PIP4K2C: variants seen among roughly 807,000 people sequenced by gnomAD.
PIP4K2C encodes the protein phosphatidylinositol-5-phosphate 4-kinase type 2 gamma.
A neutral mutation model predicts 45.0 loss-of-function variants in PIP4K2C; 21 were observed. The ratio of observed to expected loss-of-function variants is 0.47; its 90% confidence interval spans 0.33 to 0.67. The LOEUF (loss-of-function observed/expected upper bound fraction) is 0.67, where lower values mean the gene tolerates loss of function less well. Among genes scored for constraint, PIP4K2C ranks in the 30% least tolerant of loss-of-function variants. PIP4K2C has a pLI of 0.02. For synonymous variants in PIP4K2C, 201 were observed against 204.8 expected, an observed-to-expected ratio of 0.98 and a Z score of 0.16; for missense variants, 456 against 542.8, an observed-to-expected ratio of 0.84 and a Z score of 1.59.
intron 1 of PIP4K2C, among the ~76,000 whole-genome samples, chr12:57,593,623 G>A (rs1440096970): frequency 1.4e-5 from 2 of 140,882 alleles, no homozygotes; most frequent in Admixed American, 7.1e-5. Flanking sequence ...TTTTTAAAAT[G>A]CCTTTTTTTT....
chr12:57,601,713 C>T lies in PIP4K2C; in HGVS notation c.*107C>T. 1 of 946,134 alleles carries T rather than the reference C, an allele frequency of 1.1e-6. No individual in the cohort carries two copies. The highest frequency in any genetic ancestry group is 1.7e-6 in the Non-Finnish European group (1 of 581,800). The allele number at this position is 946,134 out of a possible 1,614,324, so 58.6% of individuals were successfully genotyped here. On this transcript the variant is annotated 3_prime_UTR_variant, in exon 10 of 10. Transcript: ENST00000354947. ...AGTTCTCTTCTTCCTTTGCTAAATT[C>T]AGGCTGCAGGCTCCTTCCATCCAGA...
In PIP4K2C at chr12:57,601,859, T is replaced by C. The variant is rs1490417500; in HGVS notation, c.*253T>C. The C allele has an allele frequency of 3.9e-6, 2 of 512,290 alleles. No individual in the cohort carries two copies. Among genetic ancestry groups the C allele is most frequent in the Admixed American group, 6.5e-5 (2 of 30,854 alleles). 31.7% of individuals were successfully genotyped at this position (512,290 alleles called of 1,614,324 possible). A position where few individuals can be genotyped will look rare whatever the true frequency, so the allele number is the denominator to read the frequency against. ...GAGAAGTCTGCTTGTAGTATTAGAA[T>C]GTTATTGTTGACTCTCTCCCAAGTG... On this transcript the variant is annotated 3_prime_UTR_variant, in exon 10 of 10. Coordinates refer to ENST00000354947, the MANE Select transcript of PIP4K2C (RefSeq NM_024779.5).
At position 57,600,383 on chromosome 12, in the gene PIP4K2C, T is replaced by C. The variant is rs1299216751; in HGVS notation, c.759T>C (p.Tyr253=). The C allele has an allele frequency of 6.2e-7, 1 of 1,611,494 alleles. No homozygotes were observed. The highest frequency in any genetic ancestry group is 1.7e-5 in the Admixed American group (1 of 60,002). Residue 253 remains tyrosine, a synonymous_variant, in exon 7 of 10, where the codon TAT becomes TAC. Coordinates refer to ENST00000354947, the MANE Select transcript of PIP4K2C (RefSeq NM_024779.5). ...MDFLNKNQKV[Y]IGEEEKKIFL... is the part of the protein sequence containing the mutation. ...TTCTCAACAAGAACCAGAAAGTATA[T>C]ATTGGTGAAGAGGAGAAGAAAATAT...
At position 57,599,186 on chromosome 12, in the gene PIP4K2C, CTG is replaced by C. The variant is rs1295611788; in HGVS notation, c.638_639del (p.Val213AlafsTer5). 6.2e-7 allele frequency: 1 copy of C among 1,614,228 alleles called. No individual in the cohort carries two copies. The highest frequency in any genetic ancestry group is 1.3e-5 in the African/African-American group (1 of 75,050). On this transcript the variant is annotated frameshift_variant, in exon 5 of 10. Coordinates refer to ENST00000354947, the MANE Select transcript of PIP4K2C (RefSeq NM_024779.5). LOFTEE classifies it high-confidence loss of function. ...CGCAATATGTTTAGCCACCGTCTTC[CTG>C]TGCACAGGAAGTATGACCTCAAGGT... is the stretch of plus-strand genomic sequence containing the variant.
At chr12:57,591,493 C>G in intron 1 of PIP4K2C, 30 bp downstream of exon 1, 1 of 1,559,788 alleles carries the variant, frequency 6.4e-7, no homozygotes, top group Non-Finnish European at 8.7e-7. Flanking sequence ...CCCCGCAGCC[C>G]TGTCCAAACC....
chr12:57,595,855 G>A, intron 3 of PIP4K2C, 33 bp from the exon 4 acceptor site: 5 of 1,611,640 alleles, frequency 3.1e-6, no homozygotes, highest in Non-Finnish European at 4.2e-6. Context: ...TAAAGAGGGA[G>A]GAAAAGAGCT....
rs1208283785 is a variant in PIP4K2C, at chr12:57,603,363, TTATG to T, written c.*1761_*1764del. The T allele has an allele frequency of 1.3e-5, 2 of 152,494 alleles. No individual in the cohort carries two copies. Among genetic ancestry groups the T allele is most frequent in the South Asian group, 2.1e-4 (1 of 4,836 alleles). The allele number at this position is 152,494 out of a possible 1,614,324, so 9.4% of individuals were successfully genotyped here. ...TCTTTTTTGTTTTATTAATAAAAATTTATGTATTTGCTCCTGTTACTATAATAAT... is the reference window on the plus strand; with the variant it reads ...TCTTTTTTGTTTTATTAATAAAAATTTATTTGCTCCTGTTACTATAATAAT... On this transcript the variant is annotated 3_prime_UTR_variant, in exon 10 of 10. Coordinates refer to ENST00000354947, the MANE Select transcript of PIP4K2C (RefSeq NM_024779.5).
At chr12:57,597,654 G>C (rs1378686473) in intron 4 of PIP4K2C, among the ~76,000 whole-genome samples, 2 of 152,150 alleles carry the variant, frequency 1.3e-5, no homozygotes, top group Non-Finnish European at 2.9e-5. Flanking sequence ...AAAGAAGGTT[G>C]AGGACAGAAC....
intron 1 of PIP4K2C, 44 bp downstream of exon 1, chr12:57,591,507 C>T (rs1452801397): frequency 1.3e-6 from 2 of 1,524,156 alleles, no homozygotes. Context: ...CCAAACCCCT[C>T]GGCTCCGAGG....
Position 57,594,036 on chromosome 12 carries a change from C to T in PIP4K2C, c.186C>T (p.Leu62=). 3 of 1,613,828 alleles carry T rather than the reference C, an allele frequency of 1.9e-6. No homozygotes were observed. Among genetic ancestry groups the T allele is most frequent in the Non-Finnish European group, 2.5e-6 (3 of 1,179,886 alleles). ...LWGVAHSINE[L]SQVPPPVMLL... is the part of the protein sequence containing the mutation. ...GTTTGGCTTATCAGATCAATGAGCT[C>T]AGCCAGGTGCCTCCCCCGGTGATGC... The change falls in exon 2 of 10, where the codon CTC becomes CTT. Residue 62 remains leucine, a synonymous_variant. Transcript: ENST00000354947.
Position 57,601,786 on chromosome 12 carries a change from T to A in PIP4K2C, c.*180T>A. 1.6e-6 allele frequency: 1 copy of A among 611,164 alleles called. No homozygotes were observed. Among genetic ancestry groups the A allele is most frequent in the Non-Finnish European group, 2.9e-6 (1 of 343,530 alleles). 37.9% of individuals were successfully genotyped at this position (611,164 alleles called of 1,614,324 possible). On this transcript the variant is annotated 3_prime_UTR_variant, in exon 10 of 10. Coordinates refer to ENST00000354947, the MANE Select transcript of PIP4K2C (RefSeq NM_024779.5). ...CTCTTTCTGACCCTCAGAAATACAT[T>A]GTCCTTTTTCCTCTTTGCCCATTTT... is the stretch of plus-strand genomic sequence containing the variant.
Position 57,598,570 on chromosome 12 carries a change from CTT to C in PIP4K2C, c.514-482_514-481del, listed in dbSNP as rs61639429. Among the ~76,000 whole-genome samples the C allele has an allele frequency of 2.7e-3, 372 of 135,976 alleles. 1 individual carries two copies. Among genetic ancestry groups the C allele is most frequent in the South Asian group, 7.4e-3 (33 of 4,430 alleles). 89.2% of individuals were successfully genotyped at this position (135,976 alleles called of 152,430 possible). Reference sequence around the variant, plus strand: ...TCCAAATTGTAGGCCATCATGCAGACTTTTTTTTTTTTTTAGGTATAAAAATC... The same window carrying C: ...TCCAAATTGTAGGCCATCATGCAGACTTTTTTTTTTTTAGGTATAAAAATC... On this transcript the variant is annotated intron_variant, in intron 4 of 9. Coordinates refer to ENST00000354947, the MANE Select transcript of PIP4K2C (RefSeq NM_024779.5).
At chr12:57,596,117 G>A in intron 4 of PIP4K2C, 86 bp downstream of exon 4, 1 of 1,446,050 alleles carries the variant, frequency 6.9e-7, no homozygotes, top group Non-Finnish European at 9.6e-7. Context: ...TGCCAACTGG[G>A]GAGAAAACTC....
chr12:57,596,965 T>C (rs1212464808), intron 4 of PIP4K2C, among the ~76,000 whole-genome samples: 3 of 152,100 alleles, frequency 2.0e-5, no homozygotes, highest in Non-Finnish European at 4.4e-5. Flanking sequence ...GGAAGAGCAT[T>C]CTAGGCAAAG....
chr12:57,593,633 T>C (rs1883056890), intron 1 of PIP4K2C, among the ~76,000 whole-genome samples: 1 of 151,792 alleles, frequency 6.6e-6, no homozygotes, highest in African/African-American at 2.4e-5. Flanking sequence ...GCCTTTTTTT[T>C]TCTTTTTCTA....
At chr12:57,593,999 T>A in intron 1 of PIP4K2C, 26 bp from the exon 2 acceptor site, 1 of 1,592,022 alleles carries the variant, frequency 6.3e-7, no homozygotes, top group Non-Finnish European at 8.6e-7. Context: ...CTTCATGGCT[T>A]CCCTATTCAT....
chr12:57,599,009 T>A, intron 4 of PIP4K2C, 56 bp from the exon 5 acceptor site: 1 of 1,575,398 alleles, frequency 6.3e-7, no homozygotes, highest in Non-Finnish European at 8.7e-7. Flanking sequence ...TTCCCTGGGC[T>A]GTTTGTGTAT....
chr12:57,596,302 A>T (rs1883191353), intron 4 of PIP4K2C, among the ~76,000 whole-genome samples: 1 of 152,074 alleles, frequency 6.6e-6, no homozygotes, highest in South Asian at 2.1e-4. Flanking sequence ...TCTGACCAAC[A>T]TGGAGAAACC....
chr12:57,598,425 G>A (rs1883282764), intron 4 of PIP4K2C, among the ~76,000 whole-genome samples: 3 of 151,666 alleles, frequency 2.0e-5, no homozygotes. Flanking sequence ...GGAGGCTGAG[G>A]CAGGAGAATT....
Sources: allele counts gnomAD v4.1 joint callset (sites outside exome capture counted in the v4.1 genomes callset), GRCh38; gene constraint gnomAD v4.1.1; transcripts MANE v1.5; gene names NCBI Gene and HGNC (gene_info 2026-07-23, HGNC 2026-07-21).